RABGAP1L: variants seen among roughly 807,000 people sequenced by gnomAD.
RABGAP1L encodes the protein RAB GTPase activating protein 1 like, also known as rab GTPase-activating protein 1-like.
In RABGAP1L, 63 loss-of-function variants were observed where a neutral mutation model predicts 137.7. The ratio of observed to expected loss-of-function variants is 0.46; its 90% CI spans 0.37 to 0.56. The LOEUF is 0.56. Ranked by LOEUF, RABGAP1L falls within the 20% of genes least tolerant of loss-of-function variation. RABGAP1L has a pLI of 0.00. For missense variants in RABGAP1L, 1,095 were observed against 1,244.0 expected (o/e 0.88, Z 1.80); for synonymous variants, 431 against 433.7 (o/e 0.99, Z 0.08).
chr1:174,377,221 A>G (rs1234876000), intron 12 of RABGAP1L, among the ~76,000 whole-genome samples: 1 of 126,322 alleles, frequency 7.9e-6, no homozygotes, highest in African/African-American at 2.5e-5. Flanking sequence ...ATAAATGAAG[A>G]TATATGCTAT....
At chr1:174,786,862 A>G (rs1241688995) in intron 18 of RABGAP1L, among the ~76,000 whole-genome samples, 1 of 152,212 alleles carries the variant, frequency 6.6e-6, no homozygotes. Flanking sequence ...TCACGTGAGC[A>G]TCATTTATTC....
intron 12 of RABGAP1L, among the ~76,000 whole-genome samples, chr1:174,393,031 A>G (rs1490802653): frequency 6.6e-6 from 1 of 152,218 alleles, no homozygotes; most frequent in Non-Finnish European, 1.5e-5. Flanking sequence ...ATATTGAGAT[A>G]TGCAATTCAG....
chr1:174,377,480 A>G (rs747913234), intron 12 of RABGAP1L, among the ~76,000 whole-genome samples: 14 of 152,228 alleles, frequency 9.2e-5, no homozygotes, highest in South Asian at 2.1e-4. Context: ...TCAAAAGAGT[A>G]TTGATACAAG....
At chr1:174,853,743 C>G (rs1158352594) in intron 19 of RABGAP1L, among the ~76,000 whole-genome samples, 1 of 151,248 alleles carries the variant, frequency 6.6e-6, no homozygotes, top group Admixed American at 6.6e-5. Flanking sequence ...CTCAAAAAAA[C>G]AAAAAAAACA....
intron 11 of RABGAP1L, among the ~76,000 whole-genome samples, chr1:174,349,695 A>C (rs1373042031): frequency 6.9e-5 from 7 of 101,580 alleles, no homozygotes; most frequent in Admixed American, 2.1e-4. Flanking sequence ...TGACACCCCC[A>C]CCTCCCTCCC....
At position 174,962,963 on chromosome 1, in the gene RABGAP1L, TG is replaced by T. The variant is rs1156740675; in HGVS notation, c.2433+5416del. ...AAATACAAAAATTAGCTGGGTGTGG[TG>T]GCACATAACCTGTAGTCCCAGCTAC... On this transcript the variant is annotated intron_variant, in intron 20 of 25. Coordinates refer to ENST00000681986, the MANE Select transcript of RABGAP1L (RefSeq NM_001366446.1). 4.4e-4 allele frequency among the ~76,000 whole-genome samples: 67 copies of T among 152,170 alleles called. 1 individual carries two copies. The East Asian group carries it at 0.01, about 23-fold the overall frequency.
intron 13 of RABGAP1L, among the ~76,000 whole-genome samples, chr1:174,470,207 C>CT (rs1237361204): frequency 1.3e-5 from 2 of 152,140 alleles, no homozygotes; most frequent in Non-Finnish European, 2.9e-5. Flanking sequence ...TCTCACTTCT[C>CT]TATCATTAGC....
At chr1:174,577,015 T>A (rs6666169) in intron 13 of RABGAP1L, among the ~76,000 whole-genome samples, 147,294 of 152,162 alleles carry the variant, frequency 0.97, 71,319 homozygotes, top group East Asian at 1. Context: ...ACATCTTACA[T>A]AAAACAAAAA....
At chr1:174,409,007 T>C (rs1649598626) in intron 13 of RABGAP1L, among the ~76,000 whole-genome samples, 1 of 152,208 alleles carries the variant, frequency 6.6e-6, no homozygotes, top group Admixed American at 6.5e-5. Flanking sequence ...TCCTATTCTG[T>C]AGGTTTTCTG....
intron 12 of RABGAP1L, among the ~76,000 whole-genome samples, chr1:174,384,346 T>C (rs1686547207): frequency 6.6e-6 from 1 of 152,168 alleles, no homozygotes; most frequent in South Asian, 2.1e-4. Flanking sequence ...GTTATGGTAG[T>C]GCTCACAAAC....
intron 14 of RABGAP1L, among the ~76,000 whole-genome samples, chr1:174,656,352 G>A (rs549489021): frequency 6.6e-6 from 1 of 152,242 alleles, no homozygotes; most frequent in East Asian, 1.9e-4. Flanking sequence ...CAGCTATTTG[G>A]AAGGCTGAGG....
chr1:174,287,307 T>G (rs957528815), intron 10 of RABGAP1L, among the ~76,000 whole-genome samples: 1 of 152,232 alleles, frequency 6.6e-6, no homozygotes, highest in Admixed American at 6.5e-5. Context: ...TCTGACAGTT[T>G]TTGACTTAAA....
rs547272163 is a variant in RABGAP1L at position 174,993,806 on chromosome 1, A to G, written c.*3805A>G. The G allele has an allele frequency of 1.1e-4, 16 of 152,366 alleles. No individual in the cohort carries two copies. The East Asian group carries it at 2.9e-3, about 28-fold the overall frequency. 9.4% of individuals were successfully genotyped at this position (152,366 alleles called of 1,614,324 possible). A position where few individuals can be genotyped will look rare whatever the true frequency, so the allele number is the denominator to read the frequency against. On this transcript the variant is annotated 3_prime_UTR_variant, in exon 26 of 26. Transcript: ENST00000681986. ...ACTTGATTAGCAAGATGATTATATTATATAACTTGCCCTTAAAAACACTCC... is the reference window on the plus strand; with the variant it reads ...ACTTGATTAGCAAGATGATTATATTGTATAACTTGCCCTTAAAAACACTCC...
At chr1:174,881,632 T>C (rs1654235397) in intron 19 of RABGAP1L, among the ~76,000 whole-genome samples, 1 of 151,270 alleles carries the variant, frequency 6.6e-6, no homozygotes, top group Admixed American at 6.6e-5. Flanking sequence ...CCCCAATAGC[T>C]AGGATTGCAG....
intron 13 of RABGAP1L, among the ~76,000 whole-genome samples, chr1:174,507,640 A>G (rs1268235276): frequency 6.6e-6 from 1 of 152,164 alleles, no homozygotes; most frequent in Admixed American, 6.5e-5. Context: ...ACCAAAGAAA[A>G]TTGATTTACT....
In RABGAP1L at chr1:174,463,494, A is replaced by G. The variant is rs182505832; in HGVS notation, c.1710+69349A>G. Reference sequence around the variant, plus strand: ...ACATGGACACAGGAAGGGGAACATCACACTCTGGGGACTGTTGTGGGGTGG... The same window carrying G: ...ACATGGACACAGGAAGGGGAACATCGCACTCTGGGGACTGTTGTGGGGTGG... On this transcript the variant is annotated intron_variant, in intron 13 of 25. Coordinates refer to ENST00000681986, the MANE Select transcript of RABGAP1L (RefSeq NM_001366446.1). Among the ~76,000 whole-genome samples the G allele has an allele frequency of 8.8e-3, 1,309 of 149,540 alleles. 7 individuals are homozygous for G. Among genetic ancestry groups the G allele is most frequent in the Non-Finnish European group, 0.015 (1,029 of 67,662 alleles).
At chr1:174,336,717 C>T (rs765100437) in intron 11 of RABGAP1L, among the ~76,000 whole-genome samples, 2 of 152,116 alleles carry the variant, frequency 1.3e-5, no homozygotes, top group Non-Finnish European at 2.9e-5. Flanking sequence ...TATATTAGCT[C>T]ATTTAATCCT....
chr1:174,771,943 T>C (rs1686141308), intron 18 of RABGAP1L, among the ~76,000 whole-genome samples: 2 of 152,268 alleles, frequency 1.3e-5, no homozygotes, highest in South Asian at 4.1e-4. Flanking sequence ...CCCACGCCTA[T>C]AATCCCAGCA....
At chr1:174,866,861 T>C (rs1651339768) in intron 19 of RABGAP1L, among the ~76,000 whole-genome samples, 2 of 152,080 alleles carry the variant, frequency 1.3e-5, no homozygotes, top group African/African-American at 2.4e-5. Flanking sequence ...CACAGTGAGC[T>C]GTGATCGTGC....
Sources: gnomAD v4.1 joint callset for allele counts (sites outside exome capture counted in the v4.1 genomes callset) on GRCh38, gnomAD v4.1.1 for gene constraint, MANE v1.5 for transcripts, NCBI Gene and HGNC (gene_info 2026-07-23, HGNC 2026-07-21) for gene names.